ADAMTSL1: variants seen among roughly 807,000 people sequenced by gnomAD.
The protein encoded by ADAMTSL1 is ADAMTS like 1, also known as ADAMTS-like protein 1.
ADAMTSL1 carries 126 observed loss-of-function variants against 201.8 expected under a neutral mutation model. The ratio of observed to expected loss-of-function variants is 0.62; its 90% CI spans 0.54 to 0.72. The LOEUF is 0.72. ADAMTSL1 is among the 30% of genes least tolerant of loss of function. The probability of loss-of-function intolerance (pLI) is 0.00; values close to 1 mark genes in which losing one functional copy is unlikely to be tolerated. For missense variants in ADAMTSL1, 2,679 were observed against 2,277.8 expected (o/e 1.18, Z -3.59); for synonymous variants, 1,121 against 903.4 (o/e 1.24, Z -4.32).
At chr9:18,509,121 T>TTGCAGTGAGCTG (rs1817861079) in intron 2 of ADAMTSL1, among the ~76,000 whole-genome samples, 1 of 89,628 alleles carries the variant, frequency 1.1e-5, no homozygotes, top group Non-Finnish European at 2.1e-5. Flanking sequence ...GAGGCGGAGC[T>TTGCAGTGAGCTG]TGCAGTGAGC....
chr9:18,529,229 C>T (rs1245244647), intron 2 of ADAMTSL1, among the ~76,000 whole-genome samples: 1 of 152,118 alleles, frequency 6.6e-6, no homozygotes, highest in East Asian at 1.9e-4. Context: ...TGGAGATGTT[C>T]CAATGTGTAT....
At chr9:18,227,473 A>G (rs543964561) in intron 2 of ADAMTSL1, among the ~76,000 whole-genome samples, 1 of 152,158 alleles carries the variant, frequency 6.6e-6, no homozygotes, top group Non-Finnish European at 1.5e-5. Context: ...AAGGTAGTAC[A>G]TTTTATTCAT....
intron 2 of ADAMTSL1, among the ~76,000 whole-genome samples, chr9:18,323,597 C>T (rs947786310): frequency 1.3e-5 from 2 of 152,112 alleles, no homozygotes; most frequent in African/African-American, 4.8e-5. Flanking sequence ...GACAGCATGG[C>T]TTTATTGTCC....
At chr9:18,437,242 T>C (rs1172318550) in intron 2 of ADAMTSL1, among the ~76,000 whole-genome samples, 1 of 152,140 alleles carries the variant, frequency 6.6e-6, no homozygotes, top group Non-Finnish European at 1.5e-5. Context: ...TCCACCTACC[T>C]AGGCTGCCAG....
At chr9:18,048,752 TATA>T (rs1821786291) in intron 1 of ADAMTSL1, among the ~76,000 whole-genome samples, 1 of 152,216 alleles carries the variant, frequency 6.6e-6, no homozygotes, top group Non-Finnish European at 1.5e-5. Flanking sequence ...CAGCTTTGTT[TATA>T]ATATCTTCCA....
intron 2 of ADAMTSL1, among the ~76,000 whole-genome samples, chr9:18,175,360 C>T (rs890523376): frequency 1.6e-4 from 25 of 152,218 alleles, no homozygotes; most frequent in Non-Finnish European, 2.4e-4. Flanking sequence ...CCCATCCATT[C>T]TGCAGACACT....
intron 2 of ADAMTSL1, among the ~76,000 whole-genome samples, chr9:18,273,234 C>G (rs1036355041): frequency 6.6e-6 from 1 of 152,160 alleles, no homozygotes; most frequent in African/African-American, 2.4e-5. Flanking sequence ...CAGGCACCAC[C>G]ATGCCTGGTA....
chr9:18,779,854 G>A (rs949009123), intron 19 of ADAMTSL1, among the ~76,000 whole-genome samples: 1 of 152,216 alleles, frequency 6.6e-6, no homozygotes, highest in African/African-American at 2.4e-5. Context: ...CAGCCAGTCA[G>A]TTTATCAAGT....
At chr9:18,826,003 T>C (rs1302528507) in intron 21 of ADAMTSL1, 4 of 575,856 alleles carry the variant, frequency 6.9e-6, no homozygotes, top group Non-Finnish European at 1.2e-5. Context: ...GGCCTCCCTC[T>C]TCCTGTCTCA....
intron 2 of ADAMTSL1, among the ~76,000 whole-genome samples, chr9:18,296,986 C>G (rs1833502644): frequency 6.6e-6 from 1 of 152,154 alleles, no homozygotes; most frequent in Non-Finnish European, 1.5e-5. Flanking sequence ...CCACTGGCCA[C>G]CACCACCACC....
intron 1 of ADAMTSL1, among the ~76,000 whole-genome samples, chr9:18,005,091 G>C (rs1490183722): frequency 1.3e-5 from 2 of 152,100 alleles, no homozygotes; most frequent in African/African-American, 4.8e-5. Flanking sequence ...TCTGACGGTA[G>C]CTTACGCTAT....
intron 1 of ADAMTSL1, among the ~76,000 whole-genome samples, chr9:18,015,645 A>G (rs1820226834): frequency 6.6e-6 from 1 of 152,024 alleles, no homozygotes; most frequent in East Asian, 1.9e-4. Flanking sequence ...TGTTTAAGGA[A>G]TTTTTGTAAT....
chr9:18,902,321 C>T (rs1175048879), intron 26 of ADAMTSL1, among the ~76,000 whole-genome samples: 1 of 152,068 alleles, frequency 6.6e-6, no homozygotes, highest in Non-Finnish European at 1.5e-5. Context: ...TTCTCAAGTG[C>T]ACATGAAAAA....
intron 2 of ADAMTSL1, among the ~76,000 whole-genome samples, chr9:18,359,671 C>T (rs995691058): frequency 6.6e-6 from 1 of 152,096 alleles, no homozygotes; most frequent in Non-Finnish European, 1.5e-5. Flanking sequence ...GATCTTTTTC[C>T]ATCTTTTGTA....
intron 2 of ADAMTSL1, among the ~76,000 whole-genome samples, chr9:18,191,418 G>A (rs931857944): frequency 2.0e-5 from 3 of 152,122 alleles, no homozygotes; most frequent in African/African-American, 7.2e-5. Flanking sequence ...TGGCATCTCA[G>A]GCGACAGAGA....
chr9:18,241,223 A>C (rs1831048029), intron 2 of ADAMTSL1, among the ~76,000 whole-genome samples: 1 of 152,146 alleles, frequency 6.6e-6, no homozygotes, highest in Admixed American at 6.5e-5. Flanking sequence ...TTTTGATTTC[A>C]AGTGAAAGAT....
intron 3 of ADAMTSL1, among the ~76,000 whole-genome samples, chr9:18,565,446 G>A (rs1223241465): frequency 6.6e-6 from 1 of 151,900 alleles, no homozygotes; most frequent in African/African-American, 2.4e-5. Context: ...TGAGAGTTTG[G>A]GGGAAAAGTA....
At chr9:18,617,934 T>C (rs1825803707) in intron 4 of ADAMTSL1, among the ~76,000 whole-genome samples, 1 of 152,176 alleles carries the variant, frequency 6.6e-6, no homozygotes, top group South Asian at 2.1e-4. Flanking sequence ...TAGACCAAAA[T>C]ATTCAGTTTT....
chr9:18,637,847 G>C (rs1373975851), intron 6 of ADAMTSL1, among the ~76,000 whole-genome samples: 1 of 152,070 alleles, frequency 6.6e-6, no homozygotes. Flanking sequence ...TCTTTAATTA[G>C]AGGTACCTTG....
Sources: gnomAD v4.1 joint callset for allele counts (sites outside exome capture counted in the v4.1 genomes callset) on GRCh38, gnomAD v4.1.1 for gene constraint, MANE v1.5 for transcripts, NCBI Gene and HGNC (gene_info 2026-07-23, HGNC 2026-07-21) for gene names.